Variants in MED12L observed in about 807,000 individuals in gnomAD.
MED12L encodes mediator complex subunit 12L, also known as mediator of RNA polymerase II transcription subunit 12-like protein.
In MED12L, 60 loss-of-function variants were observed where a neutral mutation model predicts 281.3. The observed-to-expected ratio is 0.21, with a 90% CI of 0.17 to 0.26. The LOEUF (loss-of-function observed/expected upper bound fraction) is 0.26, where lower values mean the gene tolerates loss of function less well. Among genes scored for constraint, MED12L ranks in the 10% least tolerant of loss-of-function variants. The pLI is 1.00. For missense variants in MED12L, 2,146 were observed against 2,680.9 expected (o/e 0.80, Z 4.41); for synonymous variants, 974 against 987.2 (o/e 0.99, Z 0.25).
Position 151,360,531 on chromosome 3 carries a change from A to G in MED12L, c.2883A>G (p.Arg961=), listed in dbSNP as rs1232931689. The change falls in exon 21 of 45, where the codon AGA becomes AGG. Residue 961 remains arginine, a synonymous_variant. Coordinates refer to ENST00000687756, the MANE Select transcript of MED12L (RefSeq NM_001393769.1). The stretch of plus-strand genomic sequence containing the variant: ...CCTCAGAATGTTCTTCCCCTGAAAG[A>G]TGCATTTTAGCCTACCTCTATGATC... ...VNPSECSSPE[R]CILAYLYDLY... The G allele has an allele frequency of 1.2e-6, 2 of 1,612,926 alleles. No homozygotes were observed. The highest frequency in any genetic ancestry group is 1.7e-6 in the Non-Finnish European group (2 of 1,179,246).
At chr3:151,227,864 G>GTGTA (rs759658120) in intron 16 of MED12L, among the ~76,000 whole-genome samples, 42 of 152,304 alleles carry the variant, frequency 2.8e-4, no homozygotes, top group Admixed American at 8.5e-4. Context: ...AGGCTGTCTT[G>GTGTA]TGTATTGTTG....
chr3:151,208,480 G>A (rs1019297167), intron 16 of MED12L, among the ~76,000 whole-genome samples: 6 of 152,108 alleles, frequency 3.9e-5, no homozygotes, highest in Non-Finnish European at 8.8e-5. Context: ...TCGGGAGTTC[G>A]AGACCAGCCT....
chr3:151,165,104 A>T (rs1181769174), intron 9 of MED12L, among the ~76,000 whole-genome samples: 1 of 152,158 alleles, frequency 6.6e-6, no homozygotes, highest in Non-Finnish European at 1.5e-5. Context: ...TTGCTTTCAC[A>T]CATGGAAGAA....
intron 5 of MED12L, among the ~76,000 whole-genome samples, chr3:151,141,178 G>GTTTTTTTGTTTT (rs1553808457): frequency 9.8e-6 from 1 of 102,190 alleles, no homozygotes; most frequent in Non-Finnish European, 1.9e-5. Flanking sequence ...TTTTTTTTTT[G>GTTTTTTTGTTTT]TTTTTTTTGT....
intron 16 of MED12L, among the ~76,000 whole-genome samples, chr3:151,260,880 A>G (rs1166461206): frequency 6.6e-6 from 1 of 152,134 alleles, no homozygotes; most frequent in Non-Finnish European, 1.5e-5. Flanking sequence ...GTTTCCAGTA[A>G]AGTCAACATT....
Position 151,318,029 on chromosome 3 carries a change from C to T in MED12L, c.2251-32030C>T, listed in dbSNP as rs141667937. The stretch of plus-strand genomic sequence containing the variant: ...TTTTCCTTATGTTTTTACAGAAAAA[C>T]AAATGGGTGTTTAACTTAAAAATCA... On this transcript the variant is annotated intron_variant, in intron 16 of 44. Coordinates refer to ENST00000687756, the MANE Select transcript of MED12L (RefSeq NM_001393769.1). Among the ~76,000 whole-genome samples the T allele has an allele frequency of 2.6e-3, 389 of 152,078 alleles. 6 individuals carry two copies. Among genetic ancestry groups the T allele is most frequent in the African/African-American group, 8.9e-3 (369 of 41,530 alleles).
Position 151,129,310 on chromosome 3 carries a change from C to G in MED12L, c.556+1326C>G, listed in dbSNP as rs141294358. On this transcript the variant is annotated intron_variant, in intron 5 of 44. Transcript: ENST00000687756. ...ATGGTCTGAATTCTGTGGCTGCCAT[C>G]TTTGAGTTCAGCATCATCCTATACG... is the stretch of plus-strand genomic sequence containing the variant. 1.5e-3 allele frequency among the ~76,000 whole-genome samples: 232 copies of G among 152,242 alleles called. 1 individual carries two copies. Among genetic ancestry groups the G allele is most frequent in the African/African-American group, 5.4e-3 (223 of 41,538 alleles).
chr3:151,371,048 T>A (rs1424530142), intron 26 of MED12L, among the ~76,000 whole-genome samples: 1 of 152,230 alleles, frequency 6.6e-6, no homozygotes, highest in East Asian at 1.9e-4. Flanking sequence ...GCAGAAGGCC[T>A]GGCACAGACT....
chr3:151,208,537 C>G (rs1009141328), intron 16 of MED12L, among the ~76,000 whole-genome samples: 1 of 152,040 alleles, frequency 6.6e-6, no homozygotes, highest in Non-Finnish European at 1.5e-5. Flanking sequence ...CAAAAATTAG[C>G]CAGGCGTGAT....
At chr3:151,136,415 G>T (rs376738877) in intron 5 of MED12L, among the ~76,000 whole-genome samples, 3 of 152,230 alleles carry the variant, frequency 2.0e-5, no homozygotes, top group African/African-American at 7.2e-5. Context: ...TCATAAAGGC[G>T]ATATCTGCCT....
At chr3:151,367,943 AC>A (rs1560085284) in intron 24 of MED12L, among the ~76,000 whole-genome samples, 177 bp downstream of exon 24, 1 of 152,196 alleles carries the variant, frequency 6.6e-6, no homozygotes. Context: ...AACATGTATC[AC>A]CGTGAAAAAG....
intron 5 of MED12L, among the ~76,000 whole-genome samples, chr3:151,137,172 G>GAAAAAAAAAAAAAAAAAAAAAA (rs776196596): frequency 8.0e-6 from 1 of 125,694 alleles, no homozygotes; most frequent in Non-Finnish European, 1.7e-5. Context: ...AAAAAAAAAA[G>GAAAAAAAAAAAAAAAAAAAAAA]AAAAAAAAAA....
rs371574079 is a variant in MED12L, at chr3:151,192,338, T to C, written c.1969-212T>C. On this transcript the variant is annotated intron_variant, in intron 14 of 44. Transcript: ENST00000687756. The stretch of plus-strand genomic sequence containing the variant: ...GTTTGTGTGCTCTTCTCTTAAAATA[T>C]CATGGAAGTTAAATTTTCTCATGAT... 5.7e-4 allele frequency among the ~76,000 whole-genome samples: 87 copies of C among 152,354 alleles called. 2 individuals carry two copies. The South Asian group carries it at 0.018, about 31-fold the overall frequency.
intron 16 of MED12L, among the ~76,000 whole-genome samples, chr3:151,290,759 A>G (rs1429133148): frequency 6.6e-6 from 1 of 152,190 alleles, no homozygotes; most frequent in East Asian, 1.9e-4. Context: ...TAGCATTAAT[A>G]AGGATGTTTA....
intron 16 of MED12L, among the ~76,000 whole-genome samples, chr3:151,245,247 G>T (rs1199597602): frequency 6.6e-6 from 1 of 152,090 alleles, no homozygotes; most frequent in African/African-American, 2.4e-5. Flanking sequence ...GAAAAAGAGG[G>T]AATCCTCCCT....
intron 16 of MED12L, among the ~76,000 whole-genome samples, chr3:151,348,707 T>C (rs540052046): frequency 1.3e-5 from 2 of 151,992 alleles, no homozygotes; most frequent in African/African-American, 4.8e-5. Context: ...ACCAGTGCAA[T>C]GGGAAGCAGT....
chr3:151,406,115 C>T (rs1017661778), intron 39 of MED12L, among the ~76,000 whole-genome samples: 2 of 152,166 alleles, frequency 1.3e-5, no homozygotes, highest in Non-Finnish European at 2.9e-5. Flanking sequence ...TCACTTTGCC[C>T]TCTTGCCCTG....
chr3:151,433,932 T>C lies in MED12L; in HGVS notation c.*1128T>C, dbSNP rs1719806026. 6.6e-6 allele frequency: 1 copy of C among 152,656 alleles called. No homozygotes were observed. The highest frequency in any genetic ancestry group is 2.1e-4 in the South Asian group (1 of 4,836). The allele number at this position is 152,656 out of a possible 1,614,324, so 9.5% of individuals were successfully genotyped here. ...CATCAAATTTATTATAAAGAAATAG[T>C]AACTATTTTAACTTTGTTCAAGTAT... On this transcript the variant is annotated 3_prime_UTR_variant, in exon 45 of 45. Coordinates refer to ENST00000687756, the MANE Select transcript of MED12L (RefSeq NM_001393769.1).
intron 16 of MED12L, chr3:151,270,277 C>T (rs1740686109): frequency 6.8e-6 from 1 of 146,048 alleles, no homozygotes. Flanking sequence ...TTCTTGAGGT[C>T]TTTTTTTCTC....
Sources: allele counts gnomAD v4.1 joint callset (sites outside exome capture counted in the v4.1 genomes callset), GRCh38; gene constraint gnomAD v4.1.1; transcripts MANE v1.5; gene names NCBI Gene and HGNC (gene_info 2026-07-23, HGNC 2026-07-21).